Variants in TMEM87B observed in about 807,000 individuals in gnomAD.
TMEM87B encodes the protein transmembrane protein 87B.
A neutral mutation model predicts 80.3 loss-of-function variants in TMEM87B; 83 were observed. The ratio of observed to expected loss-of-function variants is 1.03; its 90% CI spans 0.87 to 1.24. TMEM87B has a LOEUF of 1.24. Ranked by LOEUF, TMEM87B falls within the 50% of genes most tolerant of loss-of-function variation. The probability of loss-of-function intolerance (pLI) is 0.00; values close to 1 mark genes in which losing one functional copy is unlikely to be tolerated. For synonymous variants in TMEM87B, 219 were observed against 230.5 expected (o/e 0.95, Z 0.45); for missense variants, 625 against 674.4 (o/e 0.93, Z 0.81).
At chr2:112,069,392 C>T (rs563407502) in intron 4 of TMEM87B, among the ~76,000 whole-genome samples, 26 of 152,248 alleles carry the variant, frequency 1.7e-4, no homozygotes, top group African/African-American at 5.8e-4. Context: ...CATCATTTAG[C>T]TCCCACTTAT....
intron 18 of TMEM87B, 74 bp downstream of exon 18, chr2:112,113,003 C>T (rs780439000): frequency 2.3e-6 from 3 of 1,329,244 alleles, no homozygotes; most frequent in Non-Finnish European, 3.2e-6. Context: ...GAAAGAAGTT[C>T]TGAAAGCTAC....
chr2:112,093,004 T>G (rs2067928), intron 11 of TMEM87B, among the ~76,000 whole-genome samples: 9 of 152,278 alleles, frequency 5.9e-5, no homozygotes, highest in African/African-American at 2.2e-4. Context: ...TTGATACTTA[T>G]GTCTTTTAGC....
chr2:112,063,837 T>A (rs1213914759), intron 2 of TMEM87B, among the ~76,000 whole-genome samples: 1 of 152,202 alleles, frequency 6.6e-6, no homozygotes, highest in South Asian at 2.1e-4. Flanking sequence ...AGGATGGGGC[T>A]CACTCAGTAT....
At chr2:112,108,347 T>C (rs542415014) in intron 17 of TMEM87B, among the ~76,000 whole-genome samples, 3 of 152,216 alleles carry the variant, frequency 2.0e-5, no homozygotes, top group Non-Finnish European at 4.4e-5. Flanking sequence ...TTTTTACATA[T>C]TGGTCTTTCC....
intron 4 of TMEM87B, among the ~76,000 whole-genome samples, chr2:112,067,704 C>T (rs1650332605): frequency 6.6e-6 from 1 of 152,248 alleles, no homozygotes; most frequent in Non-Finnish European, 1.5e-5. Flanking sequence ...ATTTATCTCT[C>T]ACTCTTCCTT....
intron 11 of TMEM87B, among the ~76,000 whole-genome samples, chr2:112,096,616 A>G (rs1558845744): frequency 2.0e-5 from 3 of 152,360 alleles, no homozygotes; most frequent in Admixed American, 6.5e-5. Context: ...GGTTATTCAA[A>G]TAATAAAATG....
intron 6 of TMEM87B, among the ~76,000 whole-genome samples, chr2:112,078,947 G>A (rs1030553308): frequency 9.2e-5 from 14 of 152,132 alleles, no homozygotes; most frequent in South Asian, 2.1e-4. Context: ...TTAGAATAGC[G>A]TGTATACAAG....
At chr2:112,062,364 T>C (rs2104454914) in intron 2 of TMEM87B, among the ~76,000 whole-genome samples, 1 of 152,278 alleles carries the variant, frequency 6.6e-6, no homozygotes, top group South Asian at 2.1e-4. Flanking sequence ...ATTAACAGAA[T>C]ATAAGAAATG....
chr2:112,070,916 G>T (rs941364831), intron 4 of TMEM87B, among the ~76,000 whole-genome samples: 3 of 151,546 alleles, frequency 2.0e-5, no homozygotes, highest in Admixed American at 6.6e-5. Flanking sequence ...CCACCTCCCG[G>T]GTTCATGCCA....
rs937493321 is a variant in TMEM87B at position 112,067,076 on chromosome 2, C to T, written c.450+9C>T. 1 of 1,607,606 alleles carries T rather than the reference C, an allele frequency of 6.2e-7. No homozygotes were observed. The highest frequency in any genetic ancestry group is 8.5e-7 in the Non-Finnish European group (1 of 1,178,348). On this transcript the variant is annotated intron_variant, in intron 4 of 18. Coordinates refer to ENST00000283206, the MANE Select transcript of TMEM87B (RefSeq NM_032824.3). ...TGTTTCCCTCTTTGAATGTGAGTAT[C>T]TGACTTGCCATGTTAAAGTTTATTT...
At chr2:112,067,961 C>A (rs2104460384) in intron 4 of TMEM87B, among the ~76,000 whole-genome samples, 1 of 152,266 alleles carries the variant, frequency 6.6e-6, no homozygotes, top group East Asian at 1.9e-4. Flanking sequence ...GCCTGTAATC[C>A]CAGCACTTTG....
chr2:112,093,714 A>G (rs1043805539), intron 11 of TMEM87B, among the ~76,000 whole-genome samples: 8 of 152,236 alleles, frequency 5.3e-5, no homozygotes, highest in Non-Finnish European at 8.8e-5. Flanking sequence ...AATTAAAGAC[A>G]TTCATTTGCT....
In TMEM87B at chr2:112,116,170, A is replaced by C. The variant is rs754949693; in HGVS notation, c.*27A>C. 6.3e-7 allele frequency: 1 copy of C among 1,594,646 alleles called. No individual in the cohort carries two copies. The highest frequency in any genetic ancestry group is 1.3e-5 in the African/African-American group (1 of 74,536). On this transcript the variant is annotated 3_prime_UTR_variant, in exon 19 of 19. Coordinates refer to ENST00000283206, the MANE Select transcript of TMEM87B (RefSeq NM_032824.3). ...TGGAACCCGTATAAGAAATGTAGTT[A>C]AGCCTGAAGGACTATCCTTCATCAA...
In TMEM87B at chr2:112,064,255, T is replaced by C; in HGVS notation, c.318+2T>C. The C allele has an allele frequency of 6.2e-7, 1 of 1,612,524 alleles. No individual in the cohort carries two copies. Among genetic ancestry groups the C allele is most frequent in the Non-Finnish European group, 8.5e-7 (1 of 1,178,952 alleles). The stretch of plus-strand genomic sequence containing the variant: ...CACAATGAGCATTCTAATCTGGAAG[T>C]AAGTAAAACACAAGTTTTTAATGTA... On this transcript the variant is annotated splice_donor_variant, in intron 3 of 18. Transcript: ENST00000283206. LOFTEE classifies it high-confidence loss of function.
intron 10 of TMEM87B, among the ~76,000 whole-genome samples, chr2:112,090,632 G>A (rs1679272256): frequency 6.6e-6 from 1 of 152,092 alleles, no homozygotes; most frequent in African/African-American, 2.4e-5. Flanking sequence ...TCACTATGTT[G>A]CCCAAGCTGG....
At chr2:112,097,479 C>T (rs1679505402) in intron 13 of TMEM87B, among the ~76,000 whole-genome samples, 188 bp downstream of exon 13, 1 of 152,106 alleles carries the variant, frequency 6.6e-6, no homozygotes, top group Non-Finnish European at 1.5e-5. Context: ...GTAATCTCAG[C>T]ACTCTGGGAG....
rs552090816 is a variant in TMEM87B, at chr2:112,059,902, C to G, written c.166-75C>G. ...AGAGAGGAGTGCAAGGCTTAGAACTCTATATGTTGTGGGGTAAAACAGTTG... is the reference window on the plus strand; with the variant it reads ...AGAGAGGAGTGCAAGGCTTAGAACTGTATATGTTGTGGGGTAAAACAGTTG... On this transcript the variant is annotated intron_variant, in intron 1 of 18. Coordinates refer to ENST00000283206, the MANE Select transcript of TMEM87B (RefSeq NM_032824.3). 61 of 1,537,028 alleles carry G rather than the reference C, an allele frequency of 4.0e-5. 3 individuals carry two copies. In the South Asian group the frequency reaches 6.9e-4, roughly 17 times the overall value.
At position 112,118,736 on chromosome 2, in the gene TMEM87B, C is replaced by G. The variant is rs1680087144; in HGVS notation, c.*2593C>G. 1 of 151,994 alleles carries G rather than the reference C, an allele frequency of 6.6e-6. No homozygotes were observed. Among genetic ancestry groups the G allele is most frequent in the Non-Finnish European group, 1.5e-5 (1 of 68,002 alleles). The allele number at this position is 151,994 out of a possible 1,614,324, so 9.4% of individuals were successfully genotyped here. A position where few individuals can be genotyped will look rare whatever the true frequency, so the allele number is the denominator to read the frequency against. ...AATACCACCTTTTCCCCTTGTATTA[C>G]AGTACAATGTTTACATTACTATACT... is the stretch of plus-strand genomic sequence containing the variant. On this transcript the variant is annotated 3_prime_UTR_variant, in exon 19 of 19. Coordinates refer to ENST00000283206, the MANE Select transcript of TMEM87B (RefSeq NM_032824.3).
intron 6 of TMEM87B, among the ~76,000 whole-genome samples, chr2:112,078,162 AGG>A (rs1678878617): frequency 6.6e-6 from 1 of 152,200 alleles, no homozygotes; most frequent in African/African-American, 2.4e-5. Context: ...TAGAGGGAGC[AGG>A]GACCCTGATG....
Sources: allele counts gnomAD v4.1 joint callset (sites outside exome capture counted in the v4.1 genomes callset), GRCh38; gene constraint gnomAD v4.1.1; transcripts MANE v1.5; gene names NCBI Gene and HGNC (gene_info 2026-07-23, HGNC 2026-07-21).